The following MINDY4B variants were observed in gnomAD, a reference collection of about 807,000 sequenced individuals.
MINDY4B encodes inactive ubiquitin carboxyl-terminal hydrolase MINDY-4B.
In MINDY4B, 25 loss-of-function variants were observed where a neutral mutation model predicts 16.7. The observed-to-expected ratio is 1.49, with a 90% CI of 1.09 to 2.09. The LOEUF is 2.09. MINDY4B is among the 30% of genes most tolerant of loss of function. The probability of loss-of-function intolerance (pLI) is 0.00; values close to 1 mark genes in which losing one functional copy is unlikely to be tolerated. For synonymous variants in MINDY4B, 132 were observed against 61.9 expected, an observed-to-expected ratio of 2.13 and a Z score of -5.32; for missense variants, 327 against 168.4, an observed-to-expected ratio of 1.94 and a Z score of -5.21.
At chr3:150,892,879 G>T (rs2065718448) in intron 5 of MINDY4B, among the ~76,000 whole-genome samples, 2 of 151,642 alleles carry the variant, frequency 1.3e-5, no homozygotes, top group Middle Eastern at 3.4e-3. Context: ...GGCGGAGGTT[G>T]CAGTGAGCCG....
At chr3:150,888,048 A>C (rs888098093) in intron 7 of MINDY4B, among the ~76,000 whole-genome samples, 6 of 152,136 alleles carry the variant, frequency 3.9e-5, no homozygotes, top group Non-Finnish European at 8.8e-5. Flanking sequence ...CGGAGGTTGC[A>C]GTGAGCCGAG....
At chr3:150,900,994 C>T (rs1343995814) in intron 3 of MINDY4B, among the ~76,000 whole-genome samples, 1 of 152,212 alleles carries the variant, frequency 6.6e-6, no homozygotes, top group East Asian at 1.9e-4. Flanking sequence ...ATCCACGTCT[C>T]CCTTGTACCC....
chr3:150,875,486 T>C (rs1459610728), intron 10 of MINDY4B, among the ~76,000 whole-genome samples: 1 of 152,218 alleles, frequency 6.6e-6, no homozygotes, highest in African/African-American at 2.4e-5. Context: ...TATACACATA[T>C]ATGATATTGT....
chr3:150,885,535 T>A lies in MINDY4B; in HGVS notation c.754-97A>T, dbSNP rs1711600774. 27 of 669,936 alleles carry A rather than the reference T, an allele frequency of 4.0e-5. No individual in the cohort carries two copies. The South Asian group carries it at 4.4e-4, about 11-fold the overall frequency. The allele number at this position is 669,936 out of a possible 1,614,324, so 41.5% of individuals were successfully genotyped here. ...TCAAGGATTTACAGGCTGAGAGAAT[T>A]TTTTCCCCCTGGCTGCTGAAAGGAA... On this transcript the variant is annotated intron_variant, in intron 7 of 11. Coordinates refer to ENST00000465419, the MANE Select transcript of MINDY4B (RefSeq NM_001351281.2).
At chr3:150,880,650 G>A (rs966641423) in intron 10 of MINDY4B, among the ~76,000 whole-genome samples, 1 of 152,164 alleles carries the variant, frequency 6.6e-6, no homozygotes, top group African/African-American at 2.4e-5. Flanking sequence ...TATGAGAAAC[G>A]CTGTTTTAAG....
In MINDY4B at chr3:150,893,379, A is replaced by T. The variant is rs1488887430; in HGVS notation, c.466T>A (p.Ser156Thr). 1.4e-6 allele frequency: 1 copy of T among 702,638 alleles called. No individual in the cohort carries two copies. Among genetic ancestry groups the T allele is most frequent in the African/African-American group, 1.7e-5 (1 of 57,240 alleles). 43.5% of individuals were successfully genotyped at this position (702,638 alleles called of 1,614,324 possible). A position where few individuals can be genotyped will look rare whatever the true frequency, so the allele number is the denominator to read the frequency against. The change falls in exon 5 of 12, where the codon TCC (serine) becomes ACC (threonine). Residue 156 changes from serine (S) to threonine (T), a missense_variant. Physicochemically the swap from Ser to Thr is moderately conservative, Grantham distance 58. Coordinates refer to ENST00000465419, the MANE Select transcript of MINDY4B (RefSeq NM_001351281.2). ...ARSIQMAVQG[S>T]IIKYLLFTRK... is the part of the protein sequence containing the mutation. ...GTAAACAACAAGTATTTGATGATGGATCCTTGCACAGCCATCTGAATGCTT... is the reference window on the plus strand; with the variant it reads ...GTAAACAACAAGTATTTGATGATGGTTCCTTGCACAGCCATCTGAATGCTT...
At chr3:150,883,866 A>G (rs1282964016) in intron 8 of MINDY4B, 94 bp from the exon 9 acceptor site, 16 of 679,574 alleles carry the variant, frequency 2.4e-5, no homozygotes, top group Non-Finnish European at 4.0e-5. Context: ...CAGCAGTAAC[A>G]CGGGCTCTCC....
At chr3:150,883,579 A>G (rs1711559528) in intron 9 of MINDY4B, 121 bp downstream of exon 9, 1 of 636,688 alleles carries the variant, frequency 1.6e-6, no homozygotes, top group Non-Finnish European at 2.8e-6. Flanking sequence ...AGGAGAGAAT[A>G]TATTTAATTA....
At chr3:150,879,918 G>A (rs1711507048) in intron 10 of MINDY4B, among the ~76,000 whole-genome samples, 1 of 152,216 alleles carries the variant, frequency 6.6e-6, no homozygotes, top group South Asian at 2.1e-4. Flanking sequence ...TCTGGACACA[G>A]AGCCTCCCAA....
At position 150,881,614 on chromosome 3, in the gene MINDY4B, T is replaced by TAAAAA. The variant is rs34567737; in HGVS notation, c.1059+1278_1059+1282dup. ...ACACAGTGAGACCCCTGTCTCTGTT[T>TAAAAA]AAAAAAAAAAAAAAAAAAAGACACA... is the stretch of plus-strand genomic sequence containing the variant. On this transcript the variant is annotated intron_variant, in intron 10 of 11. Coordinates refer to ENST00000465419, the MANE Select transcript of MINDY4B (RefSeq NM_001351281.2). Among the ~76,000 whole-genome samples the TAAAAA allele has an allele frequency of 2.5e-4, 30 of 121,412 alleles. 1 individual carries two copies. The highest frequency in any genetic ancestry group is 7.2e-4 in the East Asian group (3 of 4,194). The allele number at this position is 121,412 out of a possible 152,430, so 79.7% of individuals were successfully genotyped here. A position where few individuals can be genotyped will look rare whatever the true frequency, so the allele number is the denominator to read the frequency against.
rs1248907861 is a variant in MINDY4B at position 150,871,199 on chromosome 3, A to G, written c.1241-12T>C. The stretch of plus-strand genomic sequence containing the variant: ...ATGGGAGTGAGTATCTGAAGAAGGA[A>G]TAGCCAGCATTTAGACCCAAGCCTA... On this transcript the variant is annotated splice_polypyrimidine_tract_variant and intron_variant, in intron 11 of 11. Transcript: ENST00000465419. 4 of 702,240 alleles carry G rather than the reference A, an allele frequency of 5.7e-6. No individual in the cohort carries two copies. The highest frequency in any genetic ancestry group is 1.0e-5 in the Non-Finnish European group (4 of 384,534). The allele number at this position is 702,240 out of a possible 1,614,324, so 43.5% of individuals were successfully genotyped here. A position where few individuals can be genotyped will look rare whatever the true frequency, so the allele number is the denominator to read the frequency against.
Position 150,882,884 on chromosome 3 carries a change from G to A in MINDY4B, c.1059+13C>T. 3 of 698,902 alleles carry A rather than the reference G, an allele frequency of 4.3e-6. No homozygotes were observed. Among genetic ancestry groups the A allele is most frequent in the South Asian group, 3.0e-5 (2 of 67,096 alleles). 43.3% of individuals were successfully genotyped at this position (698,902 alleles called of 1,614,324 possible). A position where few individuals can be genotyped will look rare whatever the true frequency, so the allele number is the denominator to read the frequency against. On this transcript the variant is annotated intron_variant, in intron 10 of 11. Transcript: ENST00000465419. ...CATTCTGGTTGTGTGGTTGAGGACT[G>A]GAACACACTCACCTGTGAGAGTCTG...
chr3:150,882,873 G>T, intron 10 of MINDY4B, 24 bp downstream of exon 10: 1 of 682,764 alleles, frequency 1.5e-6, no homozygotes, highest in South Asian at 1.5e-5. Flanking sequence ...CTGGTTGTGT[G>T]GTTGAGGACT....
At chr3:150,894,889 T>C (rs1711921459) in intron 3 of MINDY4B, among the ~76,000 whole-genome samples, 1 of 152,232 alleles carries the variant, frequency 6.6e-6, no homozygotes. Context: ...GATATAGTTA[T>C]GTAAAAAGTC....
intron 10 of MINDY4B, among the ~76,000 whole-genome samples, chr3:150,874,013 T>A (rs999655776): frequency 3.4e-5 from 5 of 145,214 alleles, no homozygotes; most frequent in African/African-American, 1.3e-4. Flanking sequence ...TGATTTTTTT[T>A]TTTTTTTTTT....
intron 3 of MINDY4B, among the ~76,000 whole-genome samples, chr3:150,899,620 A>G (rs1712063153): frequency 6.6e-6 from 1 of 152,102 alleles, no homozygotes; most frequent in South Asian, 2.1e-4. Context: ...CTCAAACTCA[A>G]CAGGAAGCCA....
Position 150,873,182 on chromosome 3 carries a change from C to T in MINDY4B, c.1240+5G>A, listed in dbSNP as rs1459392564. 3 of 700,900 alleles carry T rather than the reference C, an allele frequency of 4.3e-6. No homozygotes were observed. The highest frequency in any genetic ancestry group is 7.8e-6 in the Non-Finnish European group (3 of 383,714). The allele number at this position is 700,900 out of a possible 1,614,324, so 43.4% of individuals were successfully genotyped here. Reference sequence around the variant, plus strand: ...TCCACAACACCTGGAGTCTGAAATGCTCACCTATTGTAAGACGCACAAGCT... The same window carrying T: ...TCCACAACACCTGGAGTCTGAAATGTTCACCTATTGTAAGACGCACAAGCT... On this transcript the variant is annotated splice_donor_5th_base_variant and intron_variant, in intron 11 of 11. Coordinates refer to ENST00000465419, the MANE Select transcript of MINDY4B (RefSeq NM_001351281.2).
chr3:150,883,296 G>T (rs6440703), intron 9 of MINDY4B, among the ~76,000 whole-genome samples: 100,597 of 152,054 alleles, frequency 0.66, 33,739 homozygotes, highest in African/African-American at 0.76. Flanking sequence ...CTTACTGCCC[G>T]TCCTCCTTTT....
chr3:150,895,782 A>G (rs749444194), intron 3 of MINDY4B, among the ~76,000 whole-genome samples: 1 of 152,144 alleles, frequency 6.6e-6, no homozygotes, highest in Non-Finnish European at 1.5e-5. Context: ...ACAGCTCTTA[A>G]GATTCTTTCC....
Sources: gnomAD v4.1 joint callset for allele counts (sites outside exome capture counted in the v4.1 genomes callset) on GRCh38, gnomAD v4.1.1 for gene constraint, MANE v1.5 for transcripts, NCBI Gene and HGNC (gene_info 2026-07-23, HGNC 2026-07-21) for gene names.